GNL2: variants seen among roughly 807,000 people sequenced by gnomAD.
The protein encoded by GNL2 is G protein nucleolar 2.
Under a neutral mutation model 92.3 loss-of-function variants are expected in GNL2, and 51 were observed. The ratio of observed to expected loss-of-function variants is 0.55; its 90% CI spans 0.44 to 0.70. The LOEUF (loss-of-function observed/expected upper bound fraction) is 0.70, where lower values mean the gene tolerates loss of function less well. Ranked by LOEUF, GNL2 falls within the 30% of genes least tolerant of loss-of-function variation. GNL2 has a pLI of 0.00. For missense variants in GNL2, 844 were observed against 895.6 expected, an observed-to-expected ratio of 0.94 and a Z score of 0.74; for synonymous variants, 283 against 300.6, an observed-to-expected ratio of 0.94 and a Z score of 0.61.
At position 37,593,817 on chromosome 1, in the gene GNL2, T is replaced by C. The variant is rs776291914; in HGVS notation, c.94A>G (p.Met32Val). The C allele has an allele frequency of 6.2e-7, 1 of 1,614,086 alleles. No individual in the cohort carries two copies. The highest frequency in any genetic ancestry group is 8.5e-7 in the Non-Finnish European group (1 of 1,179,954). Residue 32 changes from methionine (M) to valine (V), a missense_variant, in exon 2 of 16, where the codon ATG becomes GTG. Coordinates refer to ENST00000373062, the MANE Select transcript of GNL2 (RefSeq NM_013285.3). ...DRVQGAGGQN[M>V]RDRATIRRLN... The stretch of plus-strand genomic sequence containing the variant: ...CGCCGGATGGTGGCCCGGTCCCTCA[T>C]GTTTTGGCCTCCTGCTCCCTGCACT...
rs757993355 is a variant in GNL2 at position 37,582,309 on chromosome 1, C to T, written c.823G>A (p.Asp275Asn). 4 of 1,612,472 alleles carry T rather than the reference C, an allele frequency of 2.5e-6. No homozygotes were observed. The East Asian group carries it at 6.7e-5, about 27-fold the overall frequency. Residue 275 changes from aspartate to asparagine, a missense_variant, in exon 8 of 16, where the codon GAT (aspartate) becomes AAT (asparagine). Transcript: ENST00000373062. ...TKRWVAVLSQ[D>N]YPTLAFHASL... The stretch of plus-strand genomic sequence containing the variant: ...GCATGGAAAGCAAGTGTTGGATAAT[C>T]CTGGGAGAGGACAGCAACCCACCGT...
intron 15 of GNL2, 66 bp downstream of exon 15, chr1:37,567,607 G>T: frequency 1.9e-6 from 2 of 1,066,012 alleles, no homozygotes; most frequent in Non-Finnish European, 2.9e-6. Flanking sequence ...ATTTGTTTCA[G>T]TGGGTCTTGA....
chr1:37,574,737 G>T lies in GNL2; in HGVS notation c.1230C>A (p.Tyr410Ter), dbSNP rs978087028. 1.2e-6 allele frequency: 2 copies of T among 1,613,544 alleles called. No individual in the cohort carries two copies. The highest frequency in any genetic ancestry group is 1.3e-5 in the African/African-American group (1 of 75,038). Residue 410 changes from tyrosine to a stop codon, truncating the protein, a stop_gained, in exon 11 of 16, where the codon TAC (tyrosine) becomes TAA (stop). Coordinates refer to ENST00000373062, the MANE Select transcript of GNL2 (RefSeq NM_013285.3). LOFTEE classifies it high-confidence loss of function. ...CAGCATTCTCCCAAGAATCAATCTT[G>T]TATGTTTTGCTGATATATTCTGGCT... Reference protein sequence around the residue: ...RAKPEYISKTYKIDSWENAED... With the variant: ...RAKPEYISKT
intron 12 of GNL2, among the ~76,000 whole-genome samples, chr1:37,573,401 C>T: frequency 6.6e-6 from 1 of 152,334 alleles, no homozygotes; most frequent in South Asian, 2.1e-4. Flanking sequence ...GGTCCTAGAA[C>T]CAGAAAGGCA....
chr1:37,591,215 T>G (rs10908359), intron 3 of GNL2, among the ~76,000 whole-genome samples: 61,773 of 152,036 alleles, frequency 0.41, 13,495 homozygotes, highest in East Asian at 0.58. Context: ...TCAGTCAGTA[T>G]AGACAGAGAA....
chr1:37,591,382 A>G (rs1277397839), intron 3 of GNL2, among the ~76,000 whole-genome samples: 1 of 152,216 alleles, frequency 6.6e-6, no homozygotes, highest in Non-Finnish European at 1.5e-5. Flanking sequence ...AAAGCATTCA[A>G]TTAAACAGCA....
At chr1:37,582,651 C>T (rs1271853741) in intron 7 of GNL2, 127 bp downstream of exon 7, 29 of 812,654 alleles carry the variant, frequency 3.6e-5, no homozygotes, top group Admixed American at 2.1e-4. Context: ...AGCACACTTT[C>T]GTGTTTCCAA....
rs1643541935 is a variant in GNL2 at position 37,568,436 on chromosome 1, C to T, written c.1869-79G>A. ...CTGACCTGGAGACCTGCGACAAACT[C>T]ACAGACTAAAGAAACCCCACTCCTA... is the stretch of plus-strand genomic sequence containing the variant. On this transcript the variant is annotated intron_variant, in intron 13 of 15. Coordinates refer to ENST00000373062, the MANE Select transcript of GNL2 (RefSeq NM_013285.3). 8.9e-6 allele frequency: 8 copies of T among 901,868 alleles called. No individual in the cohort carries two copies. In the Admixed American group the frequency reaches 1.4e-4, roughly 15 times the overall value. 55.9% of individuals were successfully genotyped at this position (901,868 alleles called of 1,614,324 possible). A position where few individuals can be genotyped will look rare whatever the true frequency, so the allele number is the denominator to read the frequency against.
At chr1:37,579,227 T>G (rs1342082507) in intron 8 of GNL2, among the ~76,000 whole-genome samples, 16 of 151,998 alleles carry the variant, frequency 1.1e-4, no homozygotes, top group Admixed American at 9.8e-4. Flanking sequence ...CAAAATAAAT[T>G]TTGTGACTGG....
At chr1:37,576,163 G>C (rs1265400431) in intron 9 of GNL2, 1 of 373,426 alleles carries the variant, frequency 2.7e-6, no homozygotes, top group African/African-American at 2.1e-5. Context: ...AAAATAAAAG[G>C]CTGGAGTGAT....
At chr1:37,592,941 A>C in intron 2 of GNL2, 135 bp from the exon 3 acceptor site, 1 of 615,634 alleles carries the variant, frequency 1.6e-6, no homozygotes, top group Non-Finnish European at 2.9e-6. Flanking sequence ...CAATTCCAGT[A>C]AACACAAAGT....
chr1:37,568,421 G>A, intron 13 of GNL2, 64 bp from the exon 14 acceptor site: 1 of 1,027,894 alleles, frequency 9.7e-7, no homozygotes, highest in Non-Finnish European at 1.5e-6. Context: ...CTGACCTGGA[G>A]ACCTGCGACA....
Position 37,575,868 on chromosome 1 carries a change from A to C in GNL2, c.1039-169T>G, listed in dbSNP as rs1643669698. Among the ~76,000 whole-genome samples, 1 of 152,242 alleles carries C rather than the reference A, an allele frequency of 6.6e-6. No individual in the cohort carries two copies. Reference sequence around the variant, plus strand: ...CTCTCTCATCTGTGCCGTGCACAAGATACTTCCACTAAGTGTAAACTATAG... The same window carrying C: ...CTCTCTCATCTGTGCCGTGCACAAGCTACTTCCACTAAGTGTAAACTATAG... On this transcript the variant is annotated intron_variant, in intron 9 of 15. Coordinates refer to ENST00000373062, the MANE Select transcript of GNL2 (RefSeq NM_013285.3). This position sits in a 1 kb window ranked among gnomAD's most constrained non-coding sequence, Gnocchi z 4.1.
chr1:37,584,538 T>A (rs2148139034), intron 5 of GNL2, among the ~76,000 whole-genome samples: 1 of 149,856 alleles, frequency 6.7e-6, no homozygotes, highest in South Asian at 2.1e-4. Context: ...TTATGCTAAG[T>A]GAAATAAGCC....
intron 4 of GNL2, among the ~76,000 whole-genome samples, chr1:37,588,163 T>C (rs535511638): frequency 3.5e-4 from 53 of 152,198 alleles, no homozygotes; most frequent in Middle Eastern, 3.4e-3. Context: ...AGGAACCTGA[T>C]ACTAACTAGA....
chr1:37,573,688 C>T (rs908236335), intron 12 of GNL2, among the ~76,000 whole-genome samples: 4 of 152,204 alleles, frequency 2.6e-5, no homozygotes, highest in African/African-American at 9.7e-5. Context: ...GATACAGGTA[C>T]CAGAAGATCA....
At chr1:37,581,054 T>C (rs1643758830) in intron 8 of GNL2, among the ~76,000 whole-genome samples, 1 of 152,100 alleles carries the variant, frequency 6.6e-6, no homozygotes. Context: ...AACATTGGCA[T>C]CTAACAATAC....
Position 37,575,550 on chromosome 1 carries a change from C to G in GNL2, c.1143+45G>C. On this transcript the variant is annotated intron_variant, in intron 10 of 15. Transcript: ENST00000373062. The surrounding 1 kb of genome is among the most constrained non-coding windows in gnomAD (Gnocchi z 4.1). ...AAGGTATCCAGGGTTCCCTATAGAACACTCCCCCGCAAACACAAACAGCCT... is the reference window on the plus strand; with the variant it reads ...AAGGTATCCAGGGTTCCCTATAGAAGACTCCCCCGCAAACACAAACAGCCT... 1 of 1,181,752 alleles carries G rather than the reference C, an allele frequency of 8.5e-7. No homozygotes were observed. The highest frequency in any genetic ancestry group is 1.5e-5 in the South Asian group (1 of 66,774). The allele number at this position is 1,181,752 out of a possible 1,614,324, so 73.2% of individuals were successfully genotyped here. A position where few individuals can be genotyped will look rare whatever the true frequency, so the allele number is the denominator to read the frequency against.
At chr1:37,581,628 T>C (rs1384032221) in intron 8 of GNL2, 5 of 402,006 alleles carry the variant, frequency 1.2e-5, no homozygotes, top group Non-Finnish European at 2.0e-5. Flanking sequence ...CTTATAATCC[T>C]GATGCTCTGT....
Sources: gnomAD v4.1 joint callset for allele counts (sites outside exome capture counted in the v4.1 genomes callset) on GRCh38, gnomAD v4.1.1 for gene constraint, Gnocchi (gnomAD v3.1) non-coding constraint, MANE v1.5 for transcripts, NCBI Gene and HGNC (gene_info 2026-07-23, HGNC 2026-07-21) for gene names.